FAR2: variants seen among roughly 807,000 people sequenced by gnomAD.
FAR2 encodes epididymis secretory protein Li 81.
FAR2 carries 19 observed loss-of-function variants against 56.0 expected under a neutral mutation model. The ratio of observed to expected loss-of-function variants is 0.34; its 90% CI spans 0.24 to 0.50. The LOEUF is 0.50. FAR2 is among the 20% of genes least tolerant of loss of function. The pLI is 0.98. For synonymous variants in FAR2, 219 were observed against 218.8 expected (o/e 1.00, Z -0.01); for missense variants, 508 against 642.2 (o/e 0.79, Z 2.26).
At position 29,175,617 on chromosome 12, in the gene FAR2, G is replaced by A. The variant is rs535322115; in HGVS notation, c.-39+26210G>A. On this transcript the variant is annotated intron_variant, in intron 1 of 11. Transcript: ENST00000536681. ...TGCTGATTGATCCATTTTACAGAGC[G>A]TTGATTGGTCCGTTTTACAGAGTGC... Among the ~76,000 whole-genome samples, 149 of 152,328 alleles carry A rather than the reference G, an allele frequency of 9.8e-4. 1 individual carries two copies. The highest frequency in any genetic ancestry group is 2.9e-3 in the African/African-American group (122 of 41,572).
chr12:29,257,068 C>T (rs1045138269), intron 1 of FAR2, among the ~76,000 whole-genome samples: 19 of 152,362 alleles, frequency 1.2e-4, no homozygotes, highest in Admixed American at 1.1e-3. Context: ...ATCTGTAGAC[C>T]GAGTGCGGGA....
intron 1 of FAR2, among the ~76,000 whole-genome samples, chr12:29,162,245 AAATT>A (rs1949787981): frequency 6.6e-6 from 1 of 152,204 alleles, no homozygotes; most frequent in Non-Finnish European, 1.5e-5. Flanking sequence ...TATCCATCTG[AAATT>A]AATTTTTTGT....
intron 2 of FAR2, among the ~76,000 whole-genome samples, chr12:29,283,600 TTGAC>T (rs111933894): frequency 0.17 from 25,841 of 152,122 alleles, 3,407 homozygotes; most frequent in African/African-American, 0.37. Flanking sequence ...ATTAAATAGT[TTGAC>T]TTATTTTTAT....
At chr12:29,284,277 A>G (rs993648113) in intron 2 of FAR2, among the ~76,000 whole-genome samples, 13 of 152,230 alleles carry the variant, frequency 8.5e-5, no homozygotes, top group Non-Finnish European at 1.5e-5. Flanking sequence ...ATAGTAAAGT[A>G]TATAGTTTGA....
intron 1 of FAR2, among the ~76,000 whole-genome samples, chr12:29,231,614 G>A (rs1282487721): frequency 6.6e-6 from 1 of 152,216 alleles, no homozygotes; most frequent in Non-Finnish European, 1.5e-5. Flanking sequence ...ATACATGCAA[G>A]AGGGAAAGGA....
At chr12:29,199,419 GA>G (rs11313846) in intron 1 of FAR2, among the ~76,000 whole-genome samples, 5,863 of 152,014 alleles carry the variant, frequency 0.039, 324 homozygotes, top group African/African-American at 0.13. Flanking sequence ...CCAACATGGT[GA>G]AGCCCCGTCT....
chr12:29,310,068 C>T (rs1017200743), intron 6 of FAR2, among the ~76,000 whole-genome samples: 2 of 152,164 alleles, frequency 1.3e-5, no homozygotes, highest in Non-Finnish European at 2.9e-5. Flanking sequence ...ATCTTCCTTC[C>T]GATTTCTGAT....
At chr12:29,227,777 TA>T (rs1476284885) in intron 1 of FAR2, among the ~76,000 whole-genome samples, 8 of 152,148 alleles carry the variant, frequency 5.3e-5, no homozygotes, top group Non-Finnish European at 1.2e-4. Flanking sequence ...TTGTTGCATT[TA>T]GTTTCTTAGG....
chr12:29,192,726 C>T (rs1209301062), intron 1 of FAR2, among the ~76,000 whole-genome samples: 10 of 152,108 alleles, frequency 6.6e-5, no homozygotes, highest in Non-Finnish European at 1.5e-4. Flanking sequence ...TAAAACATTG[C>T]ATTTGTGCAT....
chr12:29,295,074 CTG>C (rs148438981), intron 3 of FAR2, among the ~76,000 whole-genome samples: 1,636 of 152,068 alleles, frequency 0.011, 23 homozygotes, highest in African/African-American at 0.038. Flanking sequence ...ACTCACAGCA[CTG>C]TATTTTTTTC....
chr12:29,199,327 C>T (rs1257510468), intron 1 of FAR2, among the ~76,000 whole-genome samples: 3 of 152,080 alleles, frequency 2.0e-5, no homozygotes, highest in Non-Finnish European at 4.4e-5. Context: ...CAGCCGGGCG[C>T]GGTGGCTCAC....
intron 1 of FAR2, among the ~76,000 whole-genome samples, chr12:29,219,579 CCTT>C (rs1947661310): frequency 6.6e-6 from 1 of 151,806 alleles, no homozygotes; most frequent in Non-Finnish European, 1.5e-5. Context: ...TATGAGAAAA[CCTT>C]CTGATAATAA....
At chr12:29,278,219 C>T (rs1241622628) in intron 2 of FAR2, among the ~76,000 whole-genome samples, 1 of 151,766 alleles carries the variant, frequency 6.6e-6, no homozygotes, top group African/African-American at 2.4e-5. Flanking sequence ...GTGTGAGCCA[C>T]CACACCTGGT....
At chr12:29,291,757 A>G (rs549696475) in intron 2 of FAR2, among the ~76,000 whole-genome samples, 6 of 152,346 alleles carry the variant, frequency 3.9e-5, no homozygotes, top group African/African-American at 1.4e-4. Flanking sequence ...CACTCTATTC[A>G]GGACATGGCA....
intron 1 of FAR2, among the ~76,000 whole-genome samples, chr12:29,227,301 G>T (rs1947784672): frequency 6.6e-6 from 1 of 152,186 alleles, no homozygotes; most frequent in Admixed American, 6.5e-5. Flanking sequence ...GAAAGAATTT[G>T]AGAGAAAATA....
rs141985647 is a variant in FAR2 at position 29,270,477 on chromosome 12, G to A, written c.28G>A (p.Gly10Ser). 199 of 1,595,212 alleles carry A rather than the reference G, an allele frequency of 1.2e-4. No individual in the cohort carries two copies. Among genetic ancestry groups the A allele is most frequent in the African/African-American group, 8.0e-4 (60 of 74,538 alleles). ...GTCCACAATTGCAGCTTTCTATGGC[G>A]GCAAGTCCATTCTCATCACGGGGGC... is the stretch of plus-strand genomic sequence containing the variant. MSTIAAFYG[G>S]KSILITGATG... The change falls in exon 2 of 12, where the codon GGC becomes AGC. Residue 10 changes from glycine to serine, a missense_variant. By Grantham distance (56) the Gly-to-Ser change is moderately conservative. Coordinates refer to ENST00000536681, the MANE Select transcript of FAR2 (RefSeq NM_001271783.2).
intron 9 of FAR2, among the ~76,000 whole-genome samples, chr12:29,320,534 A>C (rs929594270): frequency 8.5e-5 from 13 of 152,238 alleles, no homozygotes; most frequent in Non-Finnish European, 1.8e-4. Context: ...GACCAGAAGT[A>C]AGACCAAATC....
chr12:29,158,317 A>C (rs1043092160), intron 1 of FAR2, among the ~76,000 whole-genome samples: 2 of 152,240 alleles, frequency 1.3e-5, no homozygotes, highest in African/African-American at 2.4e-5. Flanking sequence ...CACATGATCT[A>C]AAAGATGGGC....
Position 29,249,189 on chromosome 12 carries a change from A to G in FAR2, c.-38-21223A>G, listed in dbSNP as rs12307142. Among the ~76,000 whole-genome samples, 1,239 of 152,324 alleles carry G rather than the reference A, an allele frequency of 8.1e-3. 29 individuals carry two copies. The highest frequency in any genetic ancestry group is 0.028 in the African/African-American group (1,184 of 41,564). ...TTTACAATTTATGTTTAGAGATTGC[A>G]GTAAAGACAGGCATAAGAAATTATA... On this transcript the variant is annotated intron_variant, in intron 1 of 11. Coordinates refer to ENST00000536681, the MANE Select transcript of FAR2 (RefSeq NM_001271783.2).
Sources: allele counts gnomAD v4.1 joint callset (sites outside exome capture counted in the v4.1 genomes callset), GRCh38; gene constraint gnomAD v4.1.1; transcripts MANE v1.5; gene names NCBI Gene and HGNC (gene_info 2026-07-23, HGNC 2026-07-21).